The following NXPE2 variants were observed in gnomAD, a reference collection of about 807,000 sequenced individuals.
NXPE2 encodes neurexophilin and PC-esterase domain family member 2.
A neutral mutation model predicts 34.4 loss-of-function variants in NXPE2; 34 were observed. That is an observed-to-expected ratio of 0.99 (90% confidence interval 0.75 to 1.31). The LOEUF (loss-of-function observed/expected upper bound fraction) is 1.31, where lower values mean the gene tolerates loss of function less well. Ranked by LOEUF, NXPE2 falls within the 40% of genes most tolerant of loss-of-function variation. NXPE2 has a pLI of 0.00. For missense variants in NXPE2, 649 were observed against 672.5 expected (o/e 0.97, Z 0.39); for synonymous variants, 235 against 231.3 (o/e 1.02, Z -0.15).
the NXPE2 span, among the ~76,000 whole-genome samples, chr11:114,740,202 T>A: frequency 6.6e-6 from 1 of 152,258 alleles, no homozygotes; most frequent in Non-Finnish European, 1.5e-5. Context: ...TCTCTCTATA[T>A]AAATATCTTA....
the NXPE2 span, among the ~76,000 whole-genome samples, chr11:114,561,953 T>A: frequency 6.6e-6 from 1 of 152,142 alleles, no homozygotes; most frequent in South Asian, 2.1e-4. Context: ...CAAGTTTTTC[T>A]TTATTTCACG....
the NXPE2 span, among the ~76,000 whole-genome samples, chr11:114,673,064 C>CTA: frequency 4.7e-5 from 7 of 147,478 alleles, no homozygotes; most frequent in South Asian, 2.1e-4. Flanking sequence ...TAAAACAAGC[C>CTA]TATATATATA....
the NXPE2 span, among the ~76,000 whole-genome samples, chr11:114,798,464 A>G: frequency 6.6e-6 from 1 of 151,910 alleles, no homozygotes; most frequent in East Asian, 1.9e-4. Flanking sequence ...GCTCACTGCA[A>G]TCTCTGCCTC....
chr11:114,762,101 G>T, the NXPE2 span, among the ~76,000 whole-genome samples: 1 of 152,152 alleles, frequency 6.6e-6, no homozygotes, highest in South Asian at 2.1e-4. Flanking sequence ...GGATGGAGTA[G>T]CCAGGTCTGT....
the NXPE2 span, among the ~76,000 whole-genome samples, chr11:114,739,358 C>A: frequency 7.5e-4 from 52 of 69,280 alleles, 1 homozygote; most frequent in African/African-American, 2.7e-3. Flanking sequence ...CTCTCTCCCT[C>A]CCTCCCTCCC....
chr11:114,558,144 A>G, the NXPE2 span, among the ~76,000 whole-genome samples: 55,048 of 151,508 alleles, frequency 0.36, 10,212 homozygotes, highest in East Asian at 0.66. Context: ...ATTTTGGGAA[A>G]CATAAATTTT....
chr11:114,606,280 G>T, the NXPE2 span, among the ~76,000 whole-genome samples: 2 of 147,244 alleles, frequency 1.4e-5, no homozygotes, highest in Admixed American at 1.3e-4. Flanking sequence ...CAGTTACCTG[G>T]TGGATAATAA....
chr11:114,627,682 A>G, the NXPE2 span, among the ~76,000 whole-genome samples: 1 of 152,020 alleles, frequency 6.6e-6, no homozygotes, highest in Non-Finnish European at 1.5e-5. Context: ...TTAACTTTAA[A>G]TGTAAATGGA....
chr11:114,480,196 G>C, the NXPE2 span, among the ~76,000 whole-genome samples: 2 of 151,200 alleles, frequency 1.3e-5, no homozygotes, highest in African/African-American at 4.9e-5. Context: ...TCTAGATGGA[G>C]AAGGAAAGAA....
chr11:114,636,578 C>G, the NXPE2 span, among the ~76,000 whole-genome samples: 2 of 151,574 alleles, frequency 1.3e-5, no homozygotes, highest in African/African-American at 4.8e-5. Flanking sequence ...TGGATCTTTC[C>G]TGCTTTCTCT....
the NXPE2 span, among the ~76,000 whole-genome samples, chr11:114,515,365 A>G: frequency 2.6e-5 from 4 of 152,202 alleles, no homozygotes; most frequent in Non-Finnish European, 2.9e-5. Context: ...TAGAGAAACA[A>G]TTTTGCTTAT....
chr11:114,573,090 GA>G, the NXPE2 span, among the ~76,000 whole-genome samples: 1 of 152,058 alleles, frequency 6.6e-6, no homozygotes, highest in Non-Finnish European at 1.5e-5. Context: ...TATCAGTCAA[GA>G]ATTTTGTATC....
At chr11:114,551,975 A>T in the NXPE2 span, 1 of 152,348 alleles carries the variant, frequency 6.6e-6, no homozygotes, top group African/African-American at 2.4e-5. Context: ...GTCCCTTACC[A>T]AATCCTCAGT....
At chr11:114,632,233 T>C in the NXPE2 span, among the ~76,000 whole-genome samples, 1 of 140,464 alleles carries the variant, frequency 7.1e-6, no homozygotes, top group Non-Finnish European at 1.5e-5. Flanking sequence ...ATATGTATAA[T>C]ATATATGTAT....
At chr11:114,621,889 T>A in the NXPE2 span, among the ~76,000 whole-genome samples, 2 of 151,890 alleles carry the variant, frequency 1.3e-5, no homozygotes, top group Non-Finnish European at 1.5e-5. Flanking sequence ...TAATAAGTAT[T>A]GATTTGTGGG....
At chr11:114,558,896 T>C in the NXPE2 span, among the ~76,000 whole-genome samples, 1 of 152,206 alleles carries the variant, frequency 6.6e-6, no homozygotes, top group East Asian at 1.9e-4. Flanking sequence ...CAGTTGATTA[T>C]ATGTATAGCT....
the NXPE2 span, among the ~76,000 whole-genome samples, chr11:114,603,144 G>T: frequency 1.0e-3 from 155 of 151,860 alleles, 1 homozygote; most frequent in Admixed American, 8.4e-3. Context: ...AATAATTATT[G>T]CCTTGTCTCC....
At chr11:114,702,437 G>T (rs1390275132) in intron 3 of NXPE2, among the ~76,000 whole-genome samples, 1 of 152,046 alleles carries the variant, frequency 6.6e-6, no homozygotes, top group Non-Finnish European at 1.5e-5. Flanking sequence ...ATAGAGGTTT[G>T]GTCAGATTAA....
chr11:114,796,722 G>C, the NXPE2 span, among the ~76,000 whole-genome samples: 3 of 152,172 alleles, frequency 2.0e-5, no homozygotes, highest in Non-Finnish European at 4.4e-5. Context: ...TGCCTTCACA[G>C]ACCAAACAGT....
Sources: allele counts gnomAD v4.1 joint callset (sites outside exome capture counted in the v4.1 genomes callset), GRCh38; gene constraint gnomAD v4.1.1; transcripts MANE v1.5; gene names NCBI Gene and HGNC (gene_info 2026-07-23, HGNC 2026-07-21).